Variants in UNC5C observed in about 807,000 individuals in gnomAD.
The protein encoded by UNC5C is netrin receptor UNC5C.
In UNC5C, 47 loss-of-function variants were observed where a neutral mutation model predicts 99.8. The observed-to-expected ratio is 0.47, with a 90% confidence interval of 0.37 to 0.60. The LOEUF (loss-of-function observed/expected upper bound fraction) is 0.60. Among genes scored for constraint, UNC5C ranks in the 20% least tolerant of loss-of-function variants. The pLI is 0.00. For missense variants in UNC5C, 1,062 were observed against 1,165.9 expected (o/e 0.91, Z 1.30); for synonymous variants, 487 against 452.2 (o/e 1.08, Z -0.98).
chr4:95,356,183 G>A (rs922433870), intron 1 of UNC5C, among the ~76,000 whole-genome samples: 18 of 99,850 alleles, frequency 1.8e-4, no homozygotes, highest in South Asian at 1.2e-3. Flanking sequence ...GACAGAGGAA[G>A]ACCCTGTAGC....
chr4:95,203,085 A>T (rs902337911), intron 11 of UNC5C, 121 bp from the exon 12 acceptor site: 1 of 789,616 alleles, frequency 1.3e-6, no homozygotes, highest in African/African-American at 1.7e-5. Flanking sequence ...TTTCTCTCTC[A>T]GAGTTTATAA....
Position 95,216,226 on chromosome 4 carries a change from A to G in UNC5C, c.1646-15T>C. On this transcript the variant is annotated splice_polypyrimidine_tract_variant and intron_variant, in intron 9 of 15. Transcript: ENST00000453304. ...CAAGCTGACTCCTGAATAGCAAAAG[A>G]GAAAAGCAGTCATTTAAGACTTTTG... The G allele has an allele frequency of 6.2e-7, 1 of 1,605,992 alleles. No homozygotes were observed. The highest frequency in any genetic ancestry group is 8.5e-7 in the Non-Finnish European group (1 of 1,175,680).
intron 14 of UNC5C, among the ~76,000 whole-genome samples, chr4:95,180,355 T>C (rs146227293): frequency 6.6e-6 from 1 of 152,382 alleles, no homozygotes; most frequent in African/African-American, 2.4e-5. Flanking sequence ...ATCTGTCCTC[T>C]GCACCATGTT....
At chr4:95,482,993 A>G (rs1721209228) in intron 1 of UNC5C, among the ~76,000 whole-genome samples, 2 of 112,240 alleles carry the variant, frequency 1.8e-5, no homozygotes, top group African/African-American at 7.7e-5. Flanking sequence ...CATGTACCCT[A>G]AAACTTAAAG....
intron 2 of UNC5C, among the ~76,000 whole-genome samples, chr4:95,318,067 T>C (rs149595897): frequency 2.8e-4 from 42 of 152,258 alleles, no homozygotes; most frequent in Middle Eastern, 3.4e-3. Context: ...ATGAACAGCC[T>C]GGGAGGACAG....
intron 10 of UNC5C, among the ~76,000 whole-genome samples, chr4:95,215,041 A>T (rs1560736190): frequency 6.6e-6 from 1 of 152,220 alleles, no homozygotes; most frequent in Non-Finnish European, 1.5e-5. Context: ...AGGTGGAAGT[A>T]CACCACCCGA....
chr4:95,283,494 C>T (rs925179380), intron 3 of UNC5C, among the ~76,000 whole-genome samples: 5 of 152,166 alleles, frequency 3.3e-5, no homozygotes, highest in African/African-American at 2.4e-5. Flanking sequence ...GCACAGAAGC[C>T]GCTCATTTCA....
At chr4:95,546,436 CCTTT>C (rs1160328678) in intron 1 of UNC5C, among the ~76,000 whole-genome samples, 1 of 152,170 alleles carries the variant, frequency 6.6e-6, no homozygotes, top group Non-Finnish European at 1.5e-5. Flanking sequence ...CTTTATCCTT[CCTTT>C]GATAACTAAC....
intron 1 of UNC5C, among the ~76,000 whole-genome samples, chr4:95,395,298 T>G (rs1745478824): frequency 6.6e-6 from 1 of 152,206 alleles, no homozygotes; most frequent in African/African-American, 2.4e-5. Flanking sequence ...TTAGTCTAGT[T>G]GTATGGTCAA....
In UNC5C at chr4:95,539,356, C is replaced by A. The variant is rs76516531; in HGVS notation, c.124+9378G>T. Among the ~76,000 whole-genome samples, 546 of 152,252 alleles carry A rather than the reference C, an allele frequency of 3.6e-3. 3 individuals carry two copies. Among genetic ancestry groups the A allele is most frequent in the Non-Finnish European group, 6.4e-3 (432 of 68,020 alleles). On this transcript the variant is annotated intron_variant, in intron 1 of 15. Transcript: ENST00000453304. ...TGGATGACAGGAGAGAACTTGTTTC[C>A]ATCAGATAAGCCACTGCACTAATGA...
intron 2 of UNC5C, among the ~76,000 whole-genome samples, chr4:95,334,418 T>C (rs1743252111): frequency 6.6e-6 from 1 of 151,998 alleles, no homozygotes; most frequent in African/African-American, 2.4e-5. Context: ...TCATGCTTGA[T>C]ATTCTTTGGC....
rs532894483 is a variant in UNC5C at position 95,370,101 on chromosome 4, A to G, written c.125-34470T>C. ...CTCTCCAACACATTAGCCAGTAGCC[A>G]TATGTGGCTATTGAGCCTTGAAAGA... On this transcript the variant is annotated intron_variant, in intron 1 of 15. Transcript: ENST00000453304. Among the ~76,000 whole-genome samples the G allele has an allele frequency of 9.2e-5, 14 of 152,352 alleles. No homozygotes were observed. In the South Asian group the frequency reaches 2.5e-3, roughly 27 times the overall value.
chr4:95,220,556 CAT>C (rs1349847174), intron 7 of UNC5C, among the ~76,000 whole-genome samples: 2 of 152,118 alleles, frequency 1.3e-5, no homozygotes, highest in Non-Finnish European at 2.9e-5. Context: ...AAAACATAAA[CAT>C]AAACACTGTT....
At chr4:95,351,370 G>T (rs565873097) in intron 1 of UNC5C, among the ~76,000 whole-genome samples, 1 of 151,546 alleles carries the variant, frequency 6.6e-6, no homozygotes, top group South Asian at 2.1e-4. Context: ...TCTTAAAGAG[G>T]TTCTGTAAGA....
chr4:95,236,652 A>G (rs962845916), intron 7 of UNC5C, among the ~76,000 whole-genome samples: 1 of 152,046 alleles, frequency 6.6e-6, no homozygotes, highest in Non-Finnish European at 1.5e-5. Context: ...AAATACTTGT[A>G]ATCTCATTAT....
chr4:95,181,131 G>A (rs2149349644), intron 14 of UNC5C, among the ~76,000 whole-genome samples: 2 of 152,192 alleles, frequency 1.3e-5, no homozygotes, highest in South Asian at 4.1e-4. Context: ...ATCCCCCAAA[G>A]TCATCTTGAC....
intron 1 of UNC5C, among the ~76,000 whole-genome samples, chr4:95,443,750 ATATATT>A (rs1747017348): frequency 6.6e-6 from 1 of 152,152 alleles, no homozygotes; most frequent in African/African-American, 2.4e-5. Flanking sequence ...TATTTGAACT[ATATATT>A]TATTGTTTCT....
intron 2 of UNC5C, among the ~76,000 whole-genome samples, chr4:95,302,981 G>A (rs1305814398): frequency 6.6e-6 from 1 of 152,276 alleles, no homozygotes; most frequent in Non-Finnish European, 1.5e-5. Context: ...CCAATCTAGT[G>A]TGAAGGATCC....
At chr4:95,175,638 T>C in intron 14 of UNC5C, among the ~76,000 whole-genome samples, 1 of 152,288 alleles carries the variant, frequency 6.6e-6, no homozygotes, top group East Asian at 1.9e-4. Flanking sequence ...GGCTTCCCTT[T>C]GTGGGTAACC....
Sources: gnomAD v4.1 joint callset for allele counts (sites outside exome capture counted in the v4.1 genomes callset) on GRCh38, gnomAD v4.1.1 for gene constraint, MANE v1.5 for transcripts, NCBI Gene and HGNC (gene_info 2026-07-23, HGNC 2026-07-21) for gene names.